LYRM4: variants seen among roughly 807,000 people sequenced by gnomAD.
LYRM4 encodes LYR motif-containing protein 4.
A neutral mutation model predicts 11.7 loss-of-function variants in LYRM4; 9 were observed. The observed-to-expected ratio is 0.77, with a 90% CI of 0.46 to 1.34. The LOEUF is 1.34. LYRM4 is among the 40% of genes most tolerant of loss of function. The pLI, the probability that LYRM4 is intolerant of heterozygous loss-of-function variation, is 0.00. For missense variants in LYRM4, 133 were observed against 112.5 expected (o/e 1.18, Z -0.82); for synonymous variants, 42 against 40.4 (o/e 1.04, Z -0.15).
Position 5,216,403 on chromosome 6 carries a change from C to T in LYRM4, c.207+215G>A, listed in dbSNP as rs577834687. ...AGTATCAGCTTTCCAGAAGGATACA[C>T]TCCCTGGAAATTCCGGAAAGCTGGT... On this transcript the variant is annotated intron_variant, in intron 2 of 2. Coordinates refer to ENST00000330636, the MANE Select transcript of LYRM4 (RefSeq NM_020408.6). 2.0e-5 allele frequency among the ~76,000 whole-genome samples: 3 copies of T among 152,284 alleles called. No individual in the cohort carries two copies. In the East Asian group the frequency reaches 5.8e-4, roughly 29 times the overall value.
At chr6:5,051,436 TC>T in the LYRM4 span, among the ~76,000 whole-genome samples, 10 of 152,128 alleles carry the variant, frequency 6.6e-5, no homozygotes, top group African/African-American at 2.2e-4. Flanking sequence ...AAATGACTCA[TC>T]CCATACACCG....
the LYRM4 span, among the ~76,000 whole-genome samples, chr6:5,079,812 G>T: frequency 6.6e-6 from 1 of 152,156 alleles, no homozygotes; most frequent in East Asian, 1.9e-4. Context: ...TGTTTTTAAA[G>T]GTACGAATTA....
the LYRM4 span, among the ~76,000 whole-genome samples, chr6:5,037,805 G>A: frequency 1.8e-5 from 1 of 57,014 alleles, no homozygotes; most frequent in African/African-American, 4.6e-5. Context: ...GCGGCTGGCC[G>A]GGCAGGGGGC....
chr6:5,245,116 ATATATATATATATATATATATATAT>A (rs1764120046), intron 1 of LYRM4, among the ~76,000 whole-genome samples: 5 of 14,712 alleles, frequency 3.4e-4, no homozygotes, highest in South Asian at 3.4e-3. Context: ...AAAAAAAAAT[ATATATATATATATATATATATATAT>A]ATATATATAT....
At chr6:5,138,801 C>A in intron 2 of LYRM4, 1 of 1,291,262 alleles carries the variant, frequency 7.7e-7, no homozygotes, top group African/African-American at 1.5e-5. Flanking sequence ...AGAAAGAGTT[C>A]TTTGGGATTT....
chr6:5,101,400 T>C (rs1561796008), downstream of LYRM4, among the ~76,000 whole-genome samples: 1 of 152,256 alleles, frequency 6.6e-6, no homozygotes, highest in Non-Finnish European at 1.5e-5. Flanking sequence ...TATTGCTTAC[T>C]GTGTATTAAA....
chr6:5,137,186 A>C (rs1159129710), intron 2 of LYRM4, among the ~76,000 whole-genome samples: 2 of 152,166 alleles, frequency 1.3e-5, no homozygotes, highest in Non-Finnish European at 2.9e-5. Flanking sequence ...CCGTTTTACC[A>C]CCAATAATAT....
chr6:5,208,108 A>C (rs1374257548), intron 2 of LYRM4, among the ~76,000 whole-genome samples: 2 of 152,198 alleles, frequency 1.3e-5, no homozygotes, highest in Non-Finnish European at 2.9e-5. Flanking sequence ...CCTTTCTCTT[A>C]GGAGACACTG....
the LYRM4 span, chr6:5,086,727 C>T: frequency 3.2e-6 from 2 of 627,384 alleles, no homozygotes; most frequent in South Asian, 4.0e-5. Context: ...CTCGCACCCC[C>T]GCAGACAAGT....
At chr6:5,044,510 G>T in the LYRM4 span, among the ~76,000 whole-genome samples, 1 of 152,286 alleles carries the variant, frequency 6.6e-6, no homozygotes. Context: ...AGGAGGGCAG[G>T]GCTCACCTGC....
downstream of LYRM4, among the ~76,000 whole-genome samples, chr6:5,102,115 T>C (rs1272110240): frequency 1.3e-5 from 2 of 151,608 alleles, no homozygotes; most frequent in Admixed American, 6.6e-5. Flanking sequence ...TAAAGACATG[T>C]TTTATATTTT....
At chr6:5,126,838 G>A (rs964278573) in intron 2 of LYRM4, among the ~76,000 whole-genome samples, 1 of 152,214 alleles carries the variant, frequency 6.6e-6, no homozygotes, top group Non-Finnish European at 1.5e-5. Flanking sequence ...GTGGGAGGGA[G>A]TGTGGAGTGA....
chr6:5,256,425 G>A (rs1028236800), intron 1 of LYRM4, among the ~76,000 whole-genome samples: 2 of 139,072 alleles, frequency 1.4e-5, no homozygotes, highest in African/African-American at 5.6e-5. Flanking sequence ...GGGAGGTGGA[G>A]GTTGCAGTGA....
chr6:5,167,334 C>T (rs1380338609), intron 2 of LYRM4, among the ~76,000 whole-genome samples: 1 of 152,104 alleles, frequency 6.6e-6, no homozygotes, highest in East Asian at 1.9e-4. Flanking sequence ...AGTCTTATAC[C>T]AGAAAATGTC....
intron 2 of LYRM4, among the ~76,000 whole-genome samples, chr6:5,182,510 T>C (rs1399674833): frequency 6.6e-6 from 1 of 152,234 alleles, no homozygotes; most frequent in Admixed American, 6.5e-5. Flanking sequence ...ATTAATAAAT[T>C]GATCATTCAA....
intron 2 of LYRM4, among the ~76,000 whole-genome samples, chr6:5,152,170 G>A (rs915832497): frequency 6.6e-6 from 1 of 152,198 alleles, no homozygotes; most frequent in Non-Finnish European, 1.5e-5. Context: ...TCATTCTATA[G>A]ATGAGGAGCA....
At chr6:5,107,408 T>C (rs1762693891), downstream of LYRM4, 1 of 152,196 alleles carries the variant, frequency 6.6e-6, no homozygotes, top group Admixed American at 6.5e-5. Flanking sequence ...AAATTAAGTA[T>C]AAATCAGCAG....
At chr6:5,212,661 TC>T (rs1377158960) in intron 2 of LYRM4, among the ~76,000 whole-genome samples, 3 of 152,202 alleles carry the variant, frequency 2.0e-5, no homozygotes. Context: ...TACAGAATCA[TC>T]TTATATGGAA....
downstream of LYRM4, chr6:5,102,942 C>T (rs1291224177): frequency 7.2e-5 from 11 of 152,234 alleles, no homozygotes; most frequent in Admixed American, 2.0e-4. Context: ...TCTGGGTTCT[C>T]TTCAGGGTCT....
Sources: gnomAD v4.1 joint callset for allele counts (sites outside exome capture counted in the v4.1 genomes callset) on GRCh38, gnomAD v4.1.1 for gene constraint, MANE v1.5 for transcripts, NCBI Gene and HGNC (gene_info 2026-07-23, HGNC 2026-07-21) for gene names.